The following RYR3 variants were observed in gnomAD, a reference collection of about 807,000 sequenced individuals.
The protein encoded by RYR3 is brain ryanodine receptor-calcium release channel.
A neutral mutation model predicts 584.3 loss-of-function variants in RYR3; 207 were observed. That is an observed-to-expected ratio of 0.35 (90% CI 0.32 to 0.40). The LOEUF (loss-of-function observed/expected upper bound fraction) is 0.40. Ranked by LOEUF, RYR3 falls within the 10% of genes least tolerant of loss-of-function variation. The probability of loss-of-function intolerance (pLI) is 1.00; values close to 1 mark genes in which losing one functional copy is unlikely to be tolerated. For missense variants in RYR3, 5,616 were observed against 6,089.2 expected (o/e 0.92, Z 2.59); for synonymous variants, 2,416 against 2,248.5 (o/e 1.07, Z -2.11).
At chr15:33,560,411 A>G (rs2057337956) in intron 10 of RYR3, among the ~76,000 whole-genome samples, 1 of 151,526 alleles carries the variant, frequency 6.6e-6, no homozygotes, top group African/African-American at 2.4e-5. Flanking sequence ...CAGAATAATG[A>G]TTCATTTATT....
chr15:33,332,172 C>A (rs1970444116), intron 1 of RYR3, among the ~76,000 whole-genome samples: 1 of 151,938 alleles, frequency 6.6e-6, no homozygotes, highest in African/African-American at 2.4e-5. Context: ...ACTTAATGGG[C>A]TTATCCTCCA....
At chr15:33,624,542 G>A (rs1329930302) in intron 20 of RYR3, among the ~76,000 whole-genome samples, 1 of 152,180 alleles carries the variant, frequency 6.6e-6, no homozygotes, top group African/African-American at 2.4e-5. Flanking sequence ...CAAAGTAGAA[G>A]TATAGACAGG....
Position 33,757,638 on chromosome 15 carries a change from A to G in RYR3, c.8705+42A>G, listed in dbSNP as rs1202470052. 3.1e-6 allele frequency: 5 copies of G among 1,588,764 alleles called. No individual in the cohort carries two copies. The East Asian group carries it at 6.8e-5, about 22-fold the overall frequency. ...AAGGGAAGGTGATGGTGCTGATGCA[A>G]TTTACTTAAAATGCCAGGTCCCTGT... On this transcript the variant is annotated intron_variant, in intron 60 of 103. Transcript: ENST00000634891.
At chr15:33,862,380 T>A (rs898902782) in intron 102 of RYR3, among the ~76,000 whole-genome samples, 17 of 151,998 alleles carry the variant, frequency 1.1e-4, no homozygotes, top group Admixed American at 5.9e-4. Flanking sequence ...AGCTAATTTT[T>A]TTTTTTGGTA....
At chr15:33,410,858 C>T (rs2043356759) in intron 1 of RYR3, among the ~76,000 whole-genome samples, 1 of 152,156 alleles carries the variant, frequency 6.6e-6, no homozygotes, top group Non-Finnish European at 1.5e-5. Flanking sequence ...CTGGGGAGGC[C>T]TCACAATCAT....
chr15:33,425,099 A>C (rs1216742408), intron 1 of RYR3, among the ~76,000 whole-genome samples: 1 of 152,140 alleles, frequency 6.6e-6, no homozygotes, highest in African/African-American at 2.4e-5. Flanking sequence ...GACTCCTTAA[A>C]AGTGCACCAT....
chr15:33,498,907 C>T (rs1304224409), intron 2 of RYR3, among the ~76,000 whole-genome samples: 4 of 152,070 alleles, frequency 2.6e-5, no homozygotes, highest in Non-Finnish European at 5.9e-5. Flanking sequence ...GTTCAGTTTT[C>T]TCAGCACCAT....
At chr15:33,513,141 C>G (rs1026532266) in intron 3 of RYR3, among the ~76,000 whole-genome samples, 18 of 152,194 alleles carry the variant, frequency 1.2e-4, no homozygotes, top group African/African-American at 4.3e-4. Flanking sequence ...AATGGAAACT[C>G]TTCAGTTTAT....
At position 33,861,197 on chromosome 15, in the gene RYR3, C is replaced by T. The variant is rs766880016; in HGVS notation, c.14465+19C>T. 9.1e-6 allele frequency: 14 copies of T among 1,539,990 alleles called. No individual in the cohort carries two copies. The highest frequency in any genetic ancestry group is 1.2e-5 in the Non-Finnish European group (14 of 1,128,330). On this transcript the variant is annotated intron_variant, in intron 102 of 103. Coordinates refer to ENST00000634891, the MANE Select transcript of RYR3 (RefSeq NM_001036.6). The stretch of plus-strand genomic sequence containing the variant: ...ACTACTTGTGAGTATTCTTGGTTAA[C>T]AAAAGTAATGGCAGCTGTAGCGTAA...
rs371174180 is a variant in RYR3 at position 33,728,883 on chromosome 15, G to A, written c.7060G>A (p.Ala2354Thr). 6.2e-7 allele frequency: 1 copy of A among 1,612,560 alleles called. No individual in the cohort carries two copies. Among genetic ancestry groups the A allele is most frequent in the African/African-American group, 1.3e-5 (1 of 74,882 alleles). Reference protein sequence around the residue: ...KDGSVSEPDMAANFCPDHKAP... With the variant: ...KDGSVSEPDMTANFCPDHKAP... Reference sequence around the variant, plus strand: ...TGGGTCGGTCAGTGAGCCAGATATGGCGGCCAATTTCTGCCCTGACCACAA... The same window carrying A: ...TGGGTCGGTCAGTGAGCCAGATATGACGGCCAATTTCTGCCCTGACCACAA... Residue 2354 changes from alanine (A) to threonine (T), a missense_variant, in exon 47 of 104, where the codon GCG becomes ACG. By Grantham distance (58) the Ala-to-Thr change is moderately conservative. Transcript: ENST00000634891.
intron 46 of RYR3, among the ~76,000 whole-genome samples, chr15:33,727,828 T>A (rs1423746481): frequency 2.0e-5 from 3 of 152,216 alleles, no homozygotes; most frequent in Non-Finnish European, 4.4e-5. Context: ...TCTTTCCTAG[T>A]TTTTAGTGTC....
Position 33,843,511 on chromosome 15 carries a change from C to T in RYR3, c.13233C>T (p.Tyr4411=). The part of the protein sequence containing the change: ...KLLHYLARNF[Y]NLRFLALFVA... The stretch of plus-strand genomic sequence containing the variant: ...AGCATTACCTGGCCAGGAATTTCTA[C>T]AACCTGAGGTTCCTTGCTCTGTTTG... The change falls in exon 92 of 104, where the codon TAC becomes TAT. Residue 4411 remains tyrosine (Y), a synonymous_variant. Coordinates refer to ENST00000634891, the MANE Select transcript of RYR3 (RefSeq NM_001036.6). 1 of 1,604,494 alleles carries T rather than the reference C, an allele frequency of 6.2e-7. No individual in the cohort carries two copies. Among genetic ancestry groups the T allele is most frequent in the East Asian group, 2.2e-5 (1 of 44,770 alleles).
At chr15:33,485,745 ACT>A (rs1372662850) in intron 2 of RYR3, among the ~76,000 whole-genome samples, 2 of 152,114 alleles carry the variant, frequency 1.3e-5, no homozygotes, top group African/African-American at 4.8e-5. Flanking sequence ...AGATTGTGTC[ACT>A]CTCTGCAGCA....
intron 8 of RYR3, among the ~76,000 whole-genome samples, 189 bp downstream of exon 8, chr15:33,543,904 G>T (rs1241285386): frequency 6.6e-6 from 1 of 152,136 alleles, no homozygotes; most frequent in Non-Finnish European, 1.5e-5. Context: ...GAGGAGCTCT[G>T]TACACATGCT....
rs761073889 is a variant in RYR3 at position 33,699,721 on chromosome 15, G to A, written c.6267G>A (p.Met2089Ile). ...TEKSQIAFPKMVASCCRFLCY... is the reference protein window; with the variant it reads ...TEKSQIAFPKIVASCCRFLCY... Reference sequence around the variant, plus strand: ...CCCTACAGATTGCATTTCCAAAGATGGTTGCTAGCTGCTGCCGTTTCCTTT... The same window carrying A: ...CCCTACAGATTGCATTTCCAAAGATAGTTGCTAGCTGCTGCCGTTTCCTTT... The change falls in exon 41 of 104, where the codon ATG becomes ATA. Residue 2089 changes from methionine to isoleucine, a missense_variant. By Grantham distance (10) the Met-to-Ile change is conservative. Transcript: ENST00000634891. The A allele has an allele frequency of 1.2e-6, 2 of 1,613,716 alleles. No individual in the cohort carries two copies. Among genetic ancestry groups the A allele is most frequent in the Non-Finnish European group, 8.5e-7 (1 of 1,179,766 alleles).
At chr15:33,417,492 G>A (rs193282893) in intron 1 of RYR3, among the ~76,000 whole-genome samples, 17 of 152,120 alleles carry the variant, frequency 1.1e-4, no homozygotes, top group South Asian at 2.1e-4. Flanking sequence ...CAGCTTGACC[G>A]TTATTGGTGT....
intron 43 of RYR3, among the ~76,000 whole-genome samples, chr15:33,707,261 C>T (rs1480379827): frequency 6.6e-6 from 1 of 152,072 alleles, no homozygotes; most frequent in Non-Finnish European, 1.5e-5. Context: ...AGAGTAGAGT[C>T]CAGTGAACAG....
intron 103 of RYR3, chr15:33,864,744 A>G (rs562089573): frequency 1.6e-4 from 31 of 194,006 alleles, no homozygotes; most frequent in Middle Eastern, 4.1e-3. Context: ...CACTCATTCA[A>G]TGGGAGAGGT....
At chr15:33,749,785 CTA>C (rs2071102440) in intron 55 of RYR3, among the ~76,000 whole-genome samples, 192 bp from the exon 56 acceptor site, 2 of 152,136 alleles carry the variant, frequency 1.3e-5, no homozygotes, top group Admixed American at 1.3e-4. Context: ...AAATTGTTTT[CTA>C]TGTGTATGGG....
Sources: gnomAD v4.1 joint callset for allele counts (sites outside exome capture counted in the v4.1 genomes callset) on GRCh38, gnomAD v4.1.1 for gene constraint, MANE v1.5 for transcripts, NCBI Gene and HGNC (gene_info 2026-07-23, HGNC 2026-07-21) for gene names.